The following ZNF248 variants were observed in gnomAD, a reference collection of about 807,000 sequenced individuals.
The protein encoded by ZNF248 is KRAB protein domain.
ZNF248 carries 20 observed loss-of-function variants against 44.3 expected under a neutral mutation model. That is an observed-to-expected ratio of 0.45 (90% CI 0.32 to 0.66). ZNF248 has a LOEUF of 0.66. Among genes scored for constraint, ZNF248 ranks in the 30% least tolerant of loss-of-function variants. The pLI is 0.04. For synonymous variants in ZNF248, 224 were observed against 229.0 expected (o/e 0.98, Z 0.20); for missense variants, 654 against 677.0 (o/e 0.97, Z 0.38).
downstream of ZNF248, among the ~76,000 whole-genome samples, chr10:37,824,057 T>C (rs920210314): frequency 1.3e-5 from 2 of 152,190 alleles, no homozygotes; most frequent in Non-Finnish European, 2.9e-5. Context: ...TTGGCTCACC[T>C]GATTATGGAG....
downstream of ZNF248, among the ~76,000 whole-genome samples, chr10:37,824,125 G>A (rs34222428): frequency 0.027 from 4,182 of 152,242 alleles, 141 homozygotes; most frequent in African/African-American, 0.082. Context: ...CAGGAGGACT[G>A]AGAGTGTTAT....
chr10:37,844,521 A>T (rs1433508641), intron 3 of ZNF248, among the ~76,000 whole-genome samples: 1 of 152,240 alleles, frequency 6.6e-6, no homozygotes, highest in Non-Finnish European at 1.5e-5. Flanking sequence ...GTTTAGGAAA[A>T]TGCATACACA....
At chr10:37,848,033 G>A (rs1277140185) in intron 3 of ZNF248, among the ~76,000 whole-genome samples, 2 of 152,148 alleles carry the variant, frequency 1.3e-5, no homozygotes, top group African/African-American at 4.8e-5. Flanking sequence ...CACTTTGGGA[G>A]GCCAAGGTGG....
intron 3 of ZNF248, among the ~76,000 whole-genome samples, chr10:37,855,085 A>G (rs910671379): frequency 2.0e-5 from 3 of 152,262 alleles, no homozygotes; most frequent in African/African-American, 7.2e-5. Context: ...GAGGAAGCAA[A>G]TAAGAATATA....
chr10:37,781,222 A>G (rs1023753048), intron 6 of ZNF248, among the ~76,000 whole-genome samples: 12 of 152,196 alleles, frequency 7.9e-5, no homozygotes, highest in African/African-American at 2.9e-4. Flanking sequence ...TGGACCCAAC[A>G]TCTGTTGATG....
intron 6 of ZNF248, among the ~76,000 whole-genome samples, chr10:37,816,859 AGG>A (rs2052557841): frequency 1.3e-5 from 2 of 152,078 alleles, no homozygotes; most frequent in East Asian, 1.9e-4. Flanking sequence ...GGTGCTGGGT[AGG>A]GAGGGTAAGA....
intron 6 of ZNF248, among the ~76,000 whole-genome samples, chr10:37,810,191 A>C (rs1290101392): frequency 3.3e-5 from 5 of 152,204 alleles, no homozygotes; most frequent in Non-Finnish European, 7.4e-5. Flanking sequence ...CTGTTAAATC[A>C]AGTTGGCTTA....
chr10:37,778,148 A>C (rs2132820890), intron 6 of ZNF248, among the ~76,000 whole-genome samples: 1 of 152,262 alleles, frequency 6.6e-6, no homozygotes, highest in African/African-American at 2.4e-5. Flanking sequence ...TTACAGTCCC[A>C]CCAACAGTGT....
At chr10:37,811,472 A>C (rs1184329244) in intron 6 of ZNF248, among the ~76,000 whole-genome samples, 1 of 151,930 alleles carries the variant, frequency 6.6e-6, no homozygotes, top group African/African-American at 2.4e-5. Flanking sequence ...AAAACCATGA[A>C]GGATTTAAAG....
chr10:37,823,947 T>C (rs1234345349), downstream of ZNF248, among the ~76,000 whole-genome samples: 1 of 152,048 alleles, frequency 6.6e-6, no homozygotes, highest in African/African-American at 2.4e-5. Context: ...AGGCCTAAGA[T>C]GATGTAAGAA....
chr10:37,763,663 GA>G, the ZNF248 span, among the ~76,000 whole-genome samples: 1 of 152,192 alleles, frequency 6.6e-6, no homozygotes, highest in African/African-American at 2.4e-5. Flanking sequence ...GGGTTCCAAT[GA>G]AAAAAAGTAG....
In ZNF248 at chr10:37,844,154, G is replaced by A. The variant is rs114892234; in HGVS notation, c.16-6043C>T. Among the ~76,000 whole-genome samples, 617 of 152,212 alleles carry A rather than the reference G, an allele frequency of 4.1e-3. 3 individuals carry two copies. The highest frequency in any genetic ancestry group is 0.014 in the African/African-American group (587 of 41,532). Reference sequence around the variant, plus strand: ...TATCAAAAGCCAAATAACAACCACAGAGGTCAGACACCATAGAGACCAGAA... The same window carrying A: ...TATCAAAAGCCAAATAACAACCACAAAGGTCAGACACCATAGAGACCAGAA... On this transcript the variant is annotated intron_variant, in intron 3 of 5. Coordinates refer to ENST00000395867, the MANE Select transcript of ZNF248 (RefSeq NM_021045.3).
intron 6 of ZNF248, among the ~76,000 whole-genome samples, chr10:37,792,509 C>G (rs924775063): frequency 6.6e-6 from 1 of 152,118 alleles, no homozygotes; most frequent in Non-Finnish European, 1.5e-5. Flanking sequence ...CTTAGCAACT[C>G]ACTTCCAAAA....
At chr10:37,821,939 G>A (rs1166616575) in intron 6 of ZNF248, among the ~76,000 whole-genome samples, 4 of 151,996 alleles carry the variant, frequency 2.6e-5, no homozygotes, top group African/African-American at 4.8e-5. Flanking sequence ...CCAGTTCTAC[G>A]CCCAGAACCA....
intron 6 of ZNF248, among the ~76,000 whole-genome samples, chr10:37,800,100 C>T (rs928656856): frequency 1.3e-5 from 2 of 151,904 alleles, no homozygotes; most frequent in African/African-American, 4.8e-5. Flanking sequence ...AGACATAGTA[C>T]ATTAATTTGA....
intron 3 of ZNF248, among the ~76,000 whole-genome samples, chr10:37,843,488 C>T (rs1051023515): frequency 1.3e-5 from 2 of 151,420 alleles, no homozygotes; most frequent in Non-Finnish European, 2.9e-5. Flanking sequence ...AATCTGATTT[C>T]CCGACTTACC....
In ZNF248 at chr10:37,838,090, C is replaced by T. The variant is rs2057592129; in HGVS notation, c.37G>A (p.Val13Ile). 2 of 1,612,954 alleles carry T rather than the reference C, an allele frequency of 1.2e-6. No individual in the cohort carries two copies. The highest frequency in any genetic ancestry group is 1.7e-6 in the Non-Finnish European group (2 of 1,179,388). Residue 13 changes from valine to isoleucine, a missense_variant, in exon 4 of 6, where the codon GTA (valine) becomes ATA (isoleucine). Coordinates refer to ENST00000395867, the MANE Select transcript of ZNF248 (RefSeq NM_021045.3). The part of the protein sequence containing the change: ...KSQEQVSFKD[V>I]CVDFTQEEWY... ...TCTTCCTGAGTGAAGTCCACACATACATCCTTGAATGACACTTGTTCCTGT... is the reference window on the plus strand; with the variant it reads ...TCTTCCTGAGTGAAGTCCACACATATATCCTTGAATGACACTTGTTCCTGT...
In ZNF248 at chr10:37,831,724, CCT is replaced by C. The variant is rs2055686767; in HGVS notation, c.1629_1630del (p.Lys546AlafsTer3). Reference sequence around the variant, plus strand: ...TGCATTACACTCATACGGCTTCTCCCCTGTGTGAGTCCTCTGATGTTTAGTGA... The same window carrying C: ...TGCATTACACTCATACGGCTTCTCCCGTGTGAGTCCTCTGATGTTTAGTGA... On this transcript the variant is annotated frameshift_variant, in exon 6 of 6. Transcript: ENST00000395867. LOFTEE classifies it high-confidence loss of function. 3.1e-6 allele frequency: 5 copies of C among 1,613,242 alleles called. No individual in the cohort carries two copies. Among genetic ancestry groups the C allele is most frequent in the Non-Finnish European group, 4.2e-6 (5 of 1,179,276 alleles).
downstream of ZNF248, among the ~76,000 whole-genome samples, chr10:37,827,198 AG>A (rs1319648123): frequency 7.2e-5 from 11 of 152,198 alleles, no homozygotes; most frequent in African/African-American, 2.7e-4. Flanking sequence ...CCACAAGAAT[AG>A]GGCAAGCCTT....
Sources: gnomAD v4.1 joint callset for allele counts (sites outside exome capture counted in the v4.1 genomes callset) on GRCh38, gnomAD v4.1.1 for gene constraint, MANE v1.5 for transcripts, NCBI Gene and HGNC (gene_info 2026-07-23, HGNC 2026-07-21) for gene names.